Variants in RERE observed in about 807,000 individuals in gnomAD.
RERE encodes the protein arginine-glutamic acid dipeptide repeats.
In RERE, 40 loss-of-function variants were observed where a neutral mutation model predicts 146.1. The ratio of observed to expected loss-of-function variants is 0.27; its 90% CI spans 0.21 to 0.36. The LOEUF is 0.36. Among genes scored for constraint, RERE ranks in the 10% least tolerant of loss-of-function variants. RERE has a pLI of 1.00. For synonymous variants in RERE, 1,003 were observed against 866.0 expected, an observed-to-expected ratio of 1.16 and a Z score of -2.78; for missense variants, 1,933 against 2,138.7, an observed-to-expected ratio of 0.90 and a Z score of 1.90.
chr1:8,455,286 G>C (rs1460793593), intron 11 of RERE, among the ~76,000 whole-genome samples: 3 of 152,056 alleles, frequency 2.0e-5, no homozygotes, highest in Non-Finnish European at 4.4e-5. Context: ...CTGTCACCCA[G>C]GCTGGAGTGC....
At chr1:8,727,052 C>A (rs995331290) in intron 1 of RERE, among the ~76,000 whole-genome samples, 1 of 152,148 alleles carries the variant, frequency 6.6e-6, no homozygotes, top group African/African-American at 2.4e-5. Flanking sequence ...GTGATCCACC[C>A]GCCTTTGGCT....
intron 1 of RERE, among the ~76,000 whole-genome samples, chr1:8,684,706 C>G (rs1377995850): frequency 6.6e-6 from 1 of 152,210 alleles, no homozygotes; most frequent in Non-Finnish European, 1.5e-5. Flanking sequence ...GAGCTGTTAA[C>G]CCACCTCTCC....
chr1:8,382,571 A>T (rs994381603), intron 12 of RERE, among the ~76,000 whole-genome samples: 4 of 152,228 alleles, frequency 2.6e-5, no homozygotes, highest in African/African-American at 9.6e-5. Context: ...TATTTTCTCA[A>T]TTCTCCTATG....
rs370560908 is a variant in RERE at position 8,774,205 on chromosome 1, T to C, written c.-145+42955A>G. ...ATCCTGAATATTCGAGATGCATTTG[T>C]TCTCCAGCCTCAACTGTACCTGTCT... On this transcript the variant is annotated intron_variant, in intron 1 of 22. Transcript: ENST00000400908. Among the ~76,000 whole-genome samples, 29 of 152,306 alleles carry C rather than the reference T, an allele frequency of 1.9e-4. No individual in the cohort carries two copies. In the East Asian group the frequency reaches 4.6e-3, roughly 24 times the overall value.
chr1:8,586,304 A>C (rs1233859181), intron 4 of RERE, among the ~76,000 whole-genome samples: 1 of 152,270 alleles, frequency 6.6e-6, no homozygotes, highest in Non-Finnish European at 1.5e-5. Context: ...ATTACTGTAT[A>C]TCAAGATAGT....
At chr1:8,518,352 T>C (rs1384922715) in intron 7 of RERE, among the ~76,000 whole-genome samples, 2 of 152,154 alleles carry the variant, frequency 1.3e-5, no homozygotes, top group Non-Finnish European at 2.9e-5. Context: ...AGTCAGACCC[T>C]TGTTCTGTGG....
intron 1 of RERE, among the ~76,000 whole-genome samples, chr1:8,688,781 T>G (rs191314693): frequency 3.9e-5 from 6 of 152,278 alleles, no homozygotes; most frequent in African/African-American, 1.4e-4. Flanking sequence ...TCTTATATAA[T>G]AGGATTTATG....
intron 1 of RERE, among the ~76,000 whole-genome samples, chr1:8,695,424 T>C (rs143995710): frequency 1.3e-5 from 2 of 151,736 alleles, no homozygotes; most frequent in African/African-American, 4.8e-5. Flanking sequence ...GGGACCTAAT[T>C]AAACTAAAGA....
At position 8,466,027 on chromosome 1, in the gene RERE, A is replaced by C; in HGVS notation, c.1105-4T>G. On this transcript the variant is annotated splice_polypyrimidine_tract_variant and splice_region_variant and intron_variant, in intron 10 of 22. Transcript: ENST00000400908. ...CATCGTAACCGCTTTCATGCAGCTA[A>C]AACAACAACAATTATAGTTAGCTAA... 4 of 1,605,296 alleles carry C rather than the reference A, an allele frequency of 2.5e-6. No homozygotes were observed. Among genetic ancestry groups the C allele is most frequent in the Non-Finnish European group, 3.4e-6 (4 of 1,173,328 alleles).
chr1:8,403,502 A>T (rs1337308292), intron 12 of RERE, among the ~76,000 whole-genome samples: 4 of 140,372 alleles, frequency 2.8e-5, no homozygotes, highest in Non-Finnish European at 4.6e-5. Flanking sequence ...AATAGCTGGG[A>T]TTATAGGCGC....
In RERE at chr1:8,451,119, G is replaced by C. The variant is rs146926559; in HGVS notation, c.1203+14806C>G. 8.5e-5 allele frequency among the ~76,000 whole-genome samples: 13 copies of C among 152,216 alleles called. No individual in the cohort carries two copies. In the East Asian group the frequency reaches 2.3e-3, roughly 27 times the overall value. On this transcript the variant is annotated intron_variant, in intron 11 of 22. Coordinates refer to ENST00000400908, the MANE Select transcript of RERE (RefSeq NM_001042681.2). ...AGCCTGGGGCTTAACTATCCATTAT[G>C]TCAACAATGCAGTCAATACTCACTA... is the stretch of plus-strand genomic sequence containing the variant.
chr1:8,420,404 A>G (rs1242748213), intron 12 of RERE, among the ~76,000 whole-genome samples: 3 of 152,224 alleles, frequency 2.0e-5, no homozygotes, highest in Non-Finnish European at 4.4e-5. Flanking sequence ...TTCTGAATCA[A>G]CAACACTGGT....
At chr1:8,632,942 A>T (rs964165980) in intron 2 of RERE, among the ~76,000 whole-genome samples, 1 of 152,238 alleles carries the variant, frequency 6.6e-6, no homozygotes, top group Non-Finnish European at 1.5e-5. Flanking sequence ...ATTAAAAGAC[A>T]TTTTTAAAAA....
At chr1:8,358,957 C>T in intron 19 of RERE, 41 bp from the exon 20 acceptor site, 6 of 1,498,972 alleles carry the variant, frequency 4.0e-6, no homozygotes, top group Non-Finnish European at 5.3e-6. Context: ...CCCCGAGCGC[C>T]TGGGGTCTCC....
intron 10 of RERE, among the ~76,000 whole-genome samples, chr1:8,484,464 C>T (rs1375616262): frequency 2.0e-5 from 3 of 146,938 alleles, no homozygotes; most frequent in South Asian, 2.1e-4. Flanking sequence ...CTCGCTCTGT[C>T]GCCCAGGCTG....
chr1:8,607,530 A>ATTTTTTTTTTTTT (rs1646732347), intron 4 of RERE, among the ~76,000 whole-genome samples: 5 of 57,580 alleles, frequency 8.7e-5, no homozygotes, highest in East Asian at 9.6e-4. Context: ...TTTTATATAT[A>ATTTTTTTTTTTTT]TTTCTTTTTT....
chr1:8,496,213 T>G (rs1228311814), intron 9 of RERE, among the ~76,000 whole-genome samples: 1 of 150,480 alleles, frequency 6.6e-6, no homozygotes, highest in Non-Finnish European at 1.5e-5. Context: ...TCACTCCACT[T>G]ACACATTCTC....
chr1:8,751,614 A>G (rs1569712439), intron 1 of RERE, among the ~76,000 whole-genome samples: 2 of 152,148 alleles, frequency 1.3e-5, no homozygotes, highest in East Asian at 1.9e-4. Context: ...ATGGCTTATT[A>G]TTCTGAAAAG....
intron 11 of RERE, among the ~76,000 whole-genome samples, chr1:8,436,415 C>T (rs549639217): frequency 4.6e-5 from 7 of 152,210 alleles, no homozygotes; most frequent in African/African-American, 9.7e-5. Flanking sequence ...TATCACCCTA[C>T]AGTCGCTACA....
Sources: gnomAD v4.1 joint callset for allele counts (sites outside exome capture counted in the v4.1 genomes callset) on GRCh38, gnomAD v4.1.1 for gene constraint, MANE v1.5 for transcripts, NCBI Gene and HGNC (gene_info 2026-07-23, HGNC 2026-07-21) for gene names.